GON4L: variants seen among roughly 807,000 people sequenced by gnomAD.
GON4L encodes the protein gon-4 like, also known as GON-4-like protein.
In GON4L, 87 loss-of-function variants were observed where a neutral mutation model predicts 211.8. The observed-to-expected ratio is 0.41, with a 90% CI of 0.35 to 0.49. The LOEUF (loss-of-function observed/expected upper bound fraction) is 0.49. Among genes scored for constraint, GON4L ranks in the 20% least tolerant of loss-of-function variants. The probability of loss-of-function intolerance (pLI) is 0.15; values close to 1 mark genes in which losing one functional copy is unlikely to be tolerated. For synonymous variants in GON4L, 875 were observed against 962.6 expected, an observed-to-expected ratio of 0.91 and a Z score of 1.68; for missense variants, 2,155 against 2,659.5, an observed-to-expected ratio of 0.81 and a Z score of 4.17.
chr1:155,745,738 T>A (rs682020), downstream of GON4L: 69,789 of 1,085,166 alleles, frequency 0.064, 5,647 homozygotes, highest in African/African-American at 0.37. Context: ...AAGTCGCCAG[T>A]ATAACACCCG....
rs143469756 is a variant in GON4L at position 155,813,069 on chromosome 1, G to A, written c.1452+565C>T. Among the ~76,000 whole-genome samples the A allele has an allele frequency of 1.1e-4, 16 of 152,178 alleles. No individual in the cohort carries two copies. The East Asian group carries it at 2.9e-3, about 28-fold the overall frequency. On this transcript the variant is annotated intron_variant, in intron 10 of 31. Transcript: ENST00000368331. ...TAAAAGGTTAATTTGGGGGAATTTG[G>A]GTGAAGCTTTTTCCTATGTTCTACA...
rs541195839 is a variant in GON4L at position 155,751,473 on chromosome 1, T to G, written c.6576+294A>C. Reference sequence around the variant, plus strand: ...CTGAGGCAGGACAATCACTTGAACCTGGGAGGTGGAGGTTGTAGTGAGCTG... The same window carrying G: ...CTGAGGCAGGACAATCACTTGAACCGGGGAGGTGGAGGTTGTAGTGAGCTG... On this transcript the variant is annotated intron_variant, in intron 31 of 31. Coordinates refer to ENST00000368331, the MANE Select transcript of GON4L (RefSeq NM_001282860.2). Among the ~76,000 whole-genome samples, 5 of 152,246 alleles carry G rather than the reference T, an allele frequency of 3.3e-5. No homozygotes were observed. In the South Asian group the frequency reaches 1.0e-3, roughly 32 times the overall value.
At chr1:155,761,548 T>C (rs567402870) in intron 23 of GON4L, among the ~76,000 whole-genome samples, 172 of 147,530 alleles carry the variant, frequency 1.2e-3, no homozygotes, top group African/African-American at 4.3e-3. Flanking sequence ...AAGGCTGGAG[T>C]GCAGTGGTGC....
At position 155,853,797 on chromosome 1, in the gene GON4L, T is replaced by C. The variant is rs1344823411; in HGVS notation, c.-17A>G. 11 of 1,609,304 alleles carry C rather than the reference T, an allele frequency of 6.8e-6. No homozygotes were observed. The highest frequency in any genetic ancestry group is 1.3e-5 in the African/African-American group (1 of 74,992). ...GGGCAACATTTTAAAAGTCCCACTT[T>C]TGTTCCATTCTGAAAGAATAAAAAG... On this transcript the variant is annotated 5_prime_UTR_variant, in exon 2 of 32. Coordinates refer to ENST00000368331, the MANE Select transcript of GON4L (RefSeq NM_001282860.2).
In GON4L at chr1:155,766,685, C is replaced by A. The variant is rs1250362085; in HGVS notation, c.2788G>T (p.Glu930Ter). 1 of 1,614,178 alleles carries A rather than the reference C, an allele frequency of 6.2e-7. No homozygotes were observed. The highest frequency in any genetic ancestry group is 1.1e-5 in the South Asian group (1 of 91,080). ...GCACCATCAGCCATGTGCCGCAGTT[C>A]TTCCTGGATGGATGGCAGACTGGCC... is the stretch of plus-strand genomic sequence containing the variant. ...LKASLPSIQE[E>*]LRHMADGARE... Residue 930 changes from glutamate (E) to a stop codon, truncating the protein, a stop_gained, in exon 21 of 32, where the codon GAA (glutamate) becomes TAA (stop). Coordinates refer to ENST00000368331, the MANE Select transcript of GON4L (RefSeq NM_001282860.2). LOFTEE classifies it high-confidence loss of function.
chr1:155,815,210 C>T (rs1668131377), intron 8 of GON4L, among the ~76,000 whole-genome samples: 1 of 152,038 alleles, frequency 6.6e-6, no homozygotes, highest in African/African-American at 2.4e-5. Context: ...ATTCAAAGAA[C>T]ACATTAAGAA....
chr1:155,765,821 G>C lies in GON4L; in HGVS notation c.3652C>G (p.Pro1218Ala), dbSNP rs199523140. 241 of 1,614,194 alleles carry C rather than the reference G, an allele frequency of 1.5e-4. No homozygotes were observed. The highest frequency in any genetic ancestry group is 2.0e-4 in the Non-Finnish European group (232 of 1,180,038). The change falls in exon 21 of 32, where the codon CCA becomes GCA. Residue 1218 changes from proline to alanine, a missense_variant. Coordinates refer to ENST00000368331, the MANE Select transcript of GON4L (RefSeq NM_001282860.2). Reference protein sequence around the residue: ...VSGNSVNLPIPSTPEDKAHVN... With the variant: ...VSGNSVNLPIASTPEDKAHVN... ...TGGGCCTTATCTTCAGGGGTGGATG[G>C]TATAGGAAGATTCACAGAATTGCCA... is the stretch of plus-strand genomic sequence containing the variant.
At chr1:155,753,076 T>C in intron 29 of GON4L, 128 bp downstream of exon 29, 1 of 695,550 alleles carries the variant, frequency 1.4e-6, no homozygotes, top group Non-Finnish European at 2.5e-6. Context: ...TTCCTATGGG[T>C]CCATCAGTGA....
At chr1:155,779,318 C>T (rs1664169897) in intron 14 of GON4L, among the ~76,000 whole-genome samples, 1 of 150,204 alleles carries the variant, frequency 6.7e-6, no homozygotes, top group South Asian at 2.1e-4. Flanking sequence ...GCTACATAAA[C>T]AGATTTTTTT....
At chr1:155,839,333 G>C (rs1202689821) in intron 2 of GON4L, among the ~76,000 whole-genome samples, 1 of 152,050 alleles carries the variant, frequency 6.6e-6, no homozygotes, top group African/African-American at 2.4e-5. Context: ...TTCTAGAGTA[G>C]TAGAATGACT....
intron 10 of GON4L, among the ~76,000 whole-genome samples, chr1:155,807,472 C>T (rs1377292549): frequency 6.6e-6 from 1 of 151,888 alleles, no homozygotes; most frequent in African/African-American, 2.4e-5. Flanking sequence ...TTTGGGAGGA[C>T]AAGGTGGGCG....
At chr1:155,774,845 T>A in intron 17 of GON4L, 157 bp downstream of exon 17, 2 of 852,010 alleles carry the variant, frequency 2.3e-6, no homozygotes, top group Non-Finnish European at 3.8e-6. Flanking sequence ...AGAACTTGGA[T>A]AATGAGTACA....
In GON4L at chr1:155,816,386, G is replaced by A. The variant is rs944805368; in HGVS notation, c.1015-124C>T. 4.9e-6 allele frequency: 3 copies of A among 613,300 alleles called. No homozygotes were observed. The African/African-American group carries it at 5.6e-5, about 11-fold the overall frequency. The allele number at this position is 613,300 out of a possible 1,614,324, so 38.0% of individuals were successfully genotyped here. A position where few individuals can be genotyped will look rare whatever the true frequency, so the allele number is the denominator to read the frequency against. ...CAAGTAACTGCAGTGATCTAGAGGT[G>A]TTGATTATCCCTGAGGGTATACTCT... On this transcript the variant is annotated intron_variant, in intron 6 of 31. Coordinates refer to ENST00000368331, the MANE Select transcript of GON4L (RefSeq NM_001282860.2).
At chr1:155,781,212 G>A (rs990578780) in intron 14 of GON4L, among the ~76,000 whole-genome samples, 4 of 151,106 alleles carry the variant, frequency 2.6e-5, no homozygotes, top group Non-Finnish European at 4.4e-5. Flanking sequence ...GAGTGGTCTC[G>A]GCTCACTGCA....
downstream of GON4L, among the ~76,000 whole-genome samples, chr1:155,745,339 G>C (rs543179004): frequency 2.0e-5 from 3 of 152,380 alleles, no homozygotes; most frequent in African/African-American, 7.2e-5. Context: ...AGTCCACGGG[G>C]ATCTGTGGAC....
In GON4L at chr1:155,820,667, A is replaced by G. The variant is rs377087969; in HGVS notation, c.964-11T>C. ...TGTCATTTTAGGCTCCTAAGGAGAAAAAAACAGAAAGGAAATCCTCAATAA... is the reference window on the plus strand; with the variant it reads ...TGTCATTTTAGGCTCCTAAGGAGAAGAAAACAGAAAGGAAATCCTCAATAA... On this transcript the variant is annotated splice_polypyrimidine_tract_variant and intron_variant, in intron 5 of 31. Transcript: ENST00000368331. 1 of 1,594,552 alleles carries G rather than the reference A, an allele frequency of 6.3e-7. No individual in the cohort carries two copies. The highest frequency in any genetic ancestry group is 1.3e-5 in the African/African-American group (1 of 74,680).
Position 155,766,017 on chromosome 1 carries a change from C to T in GON4L, c.3456G>A (p.Val1152=), listed in dbSNP as rs1485179316. 2 of 1,614,076 alleles carry T rather than the reference C, an allele frequency of 1.2e-6. No individual in the cohort carries two copies. The highest frequency in any genetic ancestry group is 1.7e-6 in the Non-Finnish European group (2 of 1,180,040). The change falls in exon 21 of 32, where the codon GTG becomes GTA. Residue 1152 remains valine, a synonymous_variant. Coordinates refer to ENST00000368331, the MANE Select transcript of GON4L (RefSeq NM_001282860.2). ...SVIFTVPATT[V]KIVSLGGGCN... is the part of the protein sequence containing the mutation. ...AGCCACCGCCAAGGCTCACAATCTTCACAGTGGTAGCAGGAACAGTGAAGA... is the reference window on the plus strand; with the variant it reads ...AGCCACCGCCAAGGCTCACAATCTTTACAGTGGTAGCAGGAACAGTGAAGA...
intron 3 of GON4L, among the ~76,000 whole-genome samples, chr1:155,822,862 C>A (rs1305266679): frequency 6.6e-6 from 1 of 152,228 alleles, no homozygotes; most frequent in Admixed American, 6.5e-5. Context: ...ATGGTGCAAT[C>A]TCGGCTCAGC....
chr1:155,853,249 G>C, intron 2 of GON4L, 27 bp downstream of exon 2: 1 of 1,592,816 alleles, frequency 6.3e-7, no homozygotes, highest in Non-Finnish European at 8.6e-7. Context: ...TGACAAGAAT[G>C]TAACCTAGAG....
Sources: allele counts gnomAD v4.1 joint callset (sites outside exome capture counted in the v4.1 genomes callset), GRCh38; gene constraint gnomAD v4.1.1; transcripts MANE v1.5; gene names NCBI Gene and HGNC (gene_info 2026-07-23, HGNC 2026-07-21).